PKD1L1: variants seen among roughly 807,000 people sequenced by gnomAD.
The protein encoded by PKD1L1 is polycystin 1 like 1, transient receptor potential channel interacting, also known as polycystin-1-like protein 1.
In PKD1L1, 236 loss-of-function variants were observed where a neutral mutation model predicts 323.4. The ratio of observed to expected loss-of-function variants is 0.73; its 90% CI spans 0.66 to 0.81. PKD1L1 has a LOEUF of 0.81. PKD1L1 is among the 40% of genes least tolerant of loss of function. The pLI, the probability that PKD1L1 is intolerant of heterozygous loss-of-function variation, is 0.00. For missense variants in PKD1L1, 3,320 were observed against 3,508.0 expected (o/e 0.95, Z 1.35); for synonymous variants, 1,344 against 1,335.0 (o/e 1.01, Z -0.15).
Position 47,836,960 on chromosome 7 carries a change from C to T in PKD1L1, c.5904G>A (p.Ala1968=), listed in dbSNP as rs138233374. 1.3e-4 allele frequency: 213 copies of T among 1,614,142 alleles called. No individual in the cohort carries two copies. Among genetic ancestry groups the T allele is most frequent in the South Asian group, 1.2e-3 (111 of 91,074 alleles). The change falls in exon 37 of 57, where the codon GCG becomes GCA. Residue 1968 remains alanine, a synonymous_variant. Coordinates refer to ENST00000289672, the MANE Select transcript of PKD1L1 (RefSeq NM_138295.5). ...CAGCAGCAACCAGGGCAGTGAGACA[C>T]GCGTAGACGCACAGCAGGGAGAAGG... ...TVSFSLLCVY[A]CLTALVAAGG...
rs1255187975 is a variant in PKD1L1 at position 47,808,330 on chromosome 7, G to C, written c.7744C>G (p.Leu2582Val). 1 of 1,614,194 alleles carries C rather than the reference G, an allele frequency of 6.2e-7. No individual in the cohort carries two copies. The highest frequency in any genetic ancestry group is 1.1e-5 in the South Asian group (1 of 91,084). Residue 2582 changes from leucine to valine, a missense_variant, in exon 52 of 57, where the codon CTT (leucine) becomes GTT (valine). By Grantham distance (32) the Leu-to-Val change is conservative (BLOSUM62 1). Transcript: ENST00000289672. The part of the protein sequence containing the change: ...YYAVSGHLVT[L>V]AGDVTNQFHR... Reference sequence around the variant, plus strand: ...AACTGGTTAGTGACATCTCCAGCAAGAGTAACAAGGTGGCCGGAAACTGCA... The same window carrying C: ...AACTGGTTAGTGACATCTCCAGCAACAGTAACAAGGTGGCCGGAAACTGCA...
At chr7:47,820,653 G>A (rs1260329393) in intron 46 of PKD1L1, among the ~76,000 whole-genome samples, 1 of 152,100 alleles carries the variant, frequency 6.6e-6, no homozygotes, top group African/African-American at 2.4e-5. Flanking sequence ...CTTGAACCTG[G>A]GAGGTGGAGA....
intron 49 of PKD1L1, 141 bp from the exon 50 acceptor site, chr7:47,812,192 G>A: frequency 3.0e-6 from 2 of 667,704 alleles, no homozygotes; most frequent in Non-Finnish European, 5.2e-6. Flanking sequence ...GCTTCAAGGG[G>A]CAGGACAGAT....
At chr7:47,881,662 C>T (rs1470190620) in intron 20 of PKD1L1, among the ~76,000 whole-genome samples, 1 of 152,192 alleles carries the variant, frequency 6.6e-6, no homozygotes, top group East Asian at 1.9e-4. Context: ...GAACGTGCAG[C>T]ACTTGGCAGC....
chr7:47,862,386 C>T (rs1484715109), intron 26 of PKD1L1, among the ~76,000 whole-genome samples: 1 of 152,026 alleles, frequency 6.6e-6, no homozygotes, highest in African/African-American at 2.4e-5. Context: ...AGGGGAGACT[C>T]AGGCAGGAGG....
At chr7:47,779,153 G>T (rs1308424264) in intron 56 of PKD1L1, among the ~76,000 whole-genome samples, 1 of 149,456 alleles carries the variant, frequency 6.7e-6, no homozygotes, top group Non-Finnish European at 1.5e-5. Flanking sequence ...AGCAGCAAAT[G>T]TGGATCCAAA....
At position 47,943,482 on chromosome 7, in the gene PKD1L1, A is replaced by G; in HGVS notation, c.74T>C (p.Phe25Ser). 6.2e-7 allele frequency: 1 copy of G among 1,613,236 alleles called. No individual in the cohort carries two copies. Among genetic ancestry groups the G allele is most frequent in the Non-Finnish European group, 8.5e-7 (1 of 1,179,438 alleles). ...AGTGCTCACAGACAGCTCACCACCAAAGGAAAGGCAGCAGGCAGCCTGGAG... is the reference window on the plus strand; with the variant it reads ...AGTGCTCACAGACAGCTCACCACCAGAGGAAAGGCAGCAGGCAGCCTGGAG... ...RCLQAACCLS[F>S]GGELSVSTDK... The change falls in exon 2 of 57, where the codon TTT (phenylalanine) becomes TCT (serine). Residue 25 changes from phenylalanine (F) to serine (S), a missense_variant. Phe to Ser is a radical substitution (Grantham distance 155). Transcript: ENST00000289672.
chr7:47,813,156 T>C lies in PKD1L1; in HGVS notation c.7311A>G (p.Thr2437=), dbSNP rs1784938207. The C allele has an allele frequency of 6.2e-7, 1 of 1,613,984 alleles. No homozygotes were observed. The highest frequency in any genetic ancestry group is 1.1e-5 in the South Asian group (1 of 91,072). The change falls in exon 49 of 57, where the codon ACA becomes ACG. Residue 2437 remains threonine, a synonymous_variant. Transcript: ENST00000289672. The part of the protein sequence containing the change: ...VTLNGPGGCG[T]REDCVLSLGR... ...CCAGGCTGAGCACACAGTCCTCCCTTGTCCCACAGCCCCCAGGACCATTCA... is the reference window on the plus strand; with the variant it reads ...CCAGGCTGAGCACACAGTCCTCCCTCGTCCCACAGCCCCCAGGACCATTCA...
intron 54 of PKD1L1, among the ~76,000 whole-genome samples, chr7:47,799,386 C>T (rs1028508458): frequency 2.6e-5 from 4 of 152,166 alleles, no homozygotes; most frequent in Non-Finnish European, 4.4e-5. Flanking sequence ...AGCTACTAAA[C>T]TAGAATACCA....
intron 36 of PKD1L1, among the ~76,000 whole-genome samples, chr7:47,838,946 G>GTGTTTGTA (rs1245607722): frequency 1.3e-5 from 2 of 151,172 alleles, no homozygotes; most frequent in East Asian, 3.9e-4. Flanking sequence ...TGTATGAAAT[G>GTGTTTGTA]TGTTTGTATA....
At chr7:47,920,815 G>T (rs1282135197) in intron 7 of PKD1L1, among the ~76,000 whole-genome samples, 1 of 152,168 alleles carries the variant, frequency 6.6e-6, no homozygotes, top group Non-Finnish European at 1.5e-5. Context: ...TCAACAAATG[G>T]TGCTGGGATA....
rs1357320135 is a variant in PKD1L1 at position 47,890,708 on chromosome 7, A to G, written c.2509T>C (p.Ser837Pro). ...GSPAHPCFDS[S>P]TAHQLDAAAP... The stretch of plus-strand genomic sequence containing the variant: ...GCGGCATCCAGTTGGTGTGCAGTGG[A>G]GGAGTCGAAGCAGGGATGTGCTGGG... Residue 837 changes from serine (S) to proline (P), a missense_variant, in exon 16 of 57, where the codon TCC becomes CCC. Ser to Pro is a moderately conservative substitution (Grantham distance 74, BLOSUM62 -1). Coordinates refer to ENST00000289672, the MANE Select transcript of PKD1L1 (RefSeq NM_138295.5). The G allele has an allele frequency of 3.1e-6, 5 of 1,613,346 alleles. No individual in the cohort carries two copies. The African/African-American group carries it at 5.3e-5, about 17-fold the overall frequency.
chr7:47,850,632 CAAA>C (rs58437908), intron 31 of PKD1L1, among the ~76,000 whole-genome samples: 1 of 75,810 alleles, frequency 1.3e-5, no homozygotes, highest in Non-Finnish European at 2.4e-5. Flanking sequence ...GACTCTGTCT[CAAA>C]AAAAAAAAAA....
the PKD1L1 span, among the ~76,000 whole-genome samples, chr7:47,957,861 AAAT>A: frequency 4.9e-5 from 7 of 143,470 alleles, 1 homozygote; most frequent in Admixed American, 1.4e-4. Flanking sequence ...AATTAAAAAA[AAAT>A]ATATATATAT....
chr7:47,854,445 C>A (rs1370694076), intron 30 of PKD1L1, among the ~76,000 whole-genome samples: 2 of 152,144 alleles, frequency 1.3e-5, no homozygotes, highest in Non-Finnish European at 2.9e-5. Flanking sequence ...TAGTCAATTA[C>A]CTTCCCAGGT....
In PKD1L1 at chr7:47,905,985, TAA is replaced by T. The variant is rs753586013; in HGVS notation, c.1403-25_1403-24del. On this transcript the variant is annotated intron_variant, in intron 9 of 56. Transcript: ENST00000289672. ...TGCCTAAAATGAGAAAAAAAGGAGA[TAA>T]GAGAAAAAGTCTTAAAATTAATTCA... 3.2e-6 allele frequency: 5 copies of T among 1,561,868 alleles called. No homozygotes were observed. The Admixed American group carries it at 6.2e-5, about 20-fold the overall frequency.
chr7:47,827,253 G>A, intron 45 of PKD1L1, 97 bp downstream of exon 45: 1 of 1,117,230 alleles, frequency 9.0e-7, no homozygotes, highest in Non-Finnish European at 1.3e-6. Context: ...ACTCCTCCAG[G>A]AGAACAATCT....
rs1463494307 is a variant in PKD1L1 at position 47,853,135 on chromosome 7, G to A, written c.4952C>T (p.Ser1651Phe). The A allele has an allele frequency of 3.7e-6, 6 of 1,610,092 alleles. No individual in the cohort carries two copies. The change falls in exon 31 of 57, where the codon TCT (serine) becomes TTT (phenylalanine). Residue 1651 changes from serine to phenylalanine, a missense_variant. Transcript: ENST00000289672. ...SIVQIYIPAA[S>F]QKDASVGYLS... ...GCGCCCTGTTCACTGACCTTTCTGAGAAGCAGCAGGTATATAAATCTGCAC... is the reference window on the plus strand; with the variant it reads ...GCGCCCTGTTCACTGACCTTTCTGAAAAGCAGCAGGTATATAAATCTGCAC...
chr7:47,883,999 G>A (rs1395701990), intron 19 of PKD1L1, among the ~76,000 whole-genome samples: 1 of 152,210 alleles, frequency 6.6e-6, no homozygotes, highest in Non-Finnish European at 1.5e-5. Context: ...GAGTGCCAAT[G>A]TGCCAGGGAC....
Sources: allele counts gnomAD v4.1 joint callset (sites outside exome capture counted in the v4.1 genomes callset), GRCh38; gene constraint gnomAD v4.1.1; transcripts MANE v1.5; gene names NCBI Gene and HGNC (gene_info 2026-07-23, HGNC 2026-07-21).